The following CDH4 variants were observed in gnomAD, a reference collection of about 807,000 sequenced individuals.
The protein encoded by CDH4 is cadherin 4, also known as cadherin-4.
CDH4 carries 33 observed loss-of-function variants against 86.0 expected under a neutral mutation model. The observed-to-expected ratio is 0.38, with a 90% CI of 0.29 to 0.51. The LOEUF (loss-of-function observed/expected upper bound fraction) is 0.51. Ranked by LOEUF, CDH4 falls within the 20% of genes least tolerant of loss-of-function variation. CDH4 has a pLI of 0.86. For synonymous variants in CDH4, 555 were observed against 549.4 expected (o/e 1.01, Z -0.14); for missense variants, 1,114 against 1,307.4 (o/e 0.85, Z 2.28).
At chr20:61,303,158 A>G (rs1415542855) in intron 2 of CDH4, among the ~76,000 whole-genome samples, 2 of 152,238 alleles carry the variant, frequency 1.3e-5, no homozygotes, top group African/African-American at 4.8e-5. Flanking sequence ...CCTGAGACCC[A>G]AAGCATGTGG....
intron 6 of CDH4, among the ~76,000 whole-genome samples, chr20:61,871,002 C>T (rs1484278584): frequency 6.6e-6 from 1 of 151,630 alleles, no homozygotes; most frequent in Non-Finnish European, 1.5e-5. Flanking sequence ...GTGTATTTAT[C>T]CTTTATATAA....
intron 2 of CDH4, among the ~76,000 whole-genome samples, chr20:61,431,149 A>G (rs1372570448): frequency 6.6e-6 from 1 of 152,250 alleles, no homozygotes; most frequent in Non-Finnish European, 1.5e-5. Context: ...CAGGGGAAGC[A>G]CGTGGGTAGA....
chr20:61,264,101 G>A (rs1020619382), intron 2 of CDH4, among the ~76,000 whole-genome samples: 6 of 152,178 alleles, frequency 3.9e-5, no homozygotes, highest in African/African-American at 1.4e-4. Flanking sequence ...CCGGAATTAG[G>A]ATGGGGACAT....
chr20:61,442,469 G>A (rs1363867397), intron 2 of CDH4, among the ~76,000 whole-genome samples: 1 of 152,240 alleles, frequency 6.6e-6, no homozygotes, highest in East Asian at 1.9e-4. Flanking sequence ...GAGAACTCCA[G>A]TAAAATGATT....
At chr20:61,894,285 T>C (rs192555406) in intron 7 of CDH4, among the ~76,000 whole-genome samples, 110 of 152,316 alleles carry the variant, frequency 7.2e-4, no homozygotes, top group African/African-American at 2.5e-3. Context: ...ACTCCTTCAA[T>C]GCCTAATAAA....
chr20:61,838,822 T>TAAAAAA (rs11412264), intron 4 of CDH4, among the ~76,000 whole-genome samples: 1 of 123,476 alleles, frequency 8.1e-6, no homozygotes, highest in African/African-American at 3.4e-5. Context: ...AGACCCTGTC[T>TAAAAAA]AAAAAAAAAA....
At chr20:61,558,244 C>G (rs2145683073) in intron 2 of CDH4, among the ~76,000 whole-genome samples, 1 of 152,268 alleles carries the variant, frequency 6.6e-6, no homozygotes, top group South Asian at 2.1e-4. Context: ...ATAGAGAATA[C>G]TCAAGAATTC....
At chr20:61,915,858 C>T (rs1045615891) in intron 9 of CDH4, among the ~76,000 whole-genome samples, 4 of 152,200 alleles carry the variant, frequency 2.6e-5, no homozygotes, top group Non-Finnish European at 2.9e-5. Context: ...CTGAGAGTGA[C>T]TCTTACTGCA....
intron 9 of CDH4, among the ~76,000 whole-genome samples, chr20:61,910,873 A>G (rs1294157415): frequency 6.6e-6 from 1 of 152,130 alleles, no homozygotes; most frequent in Non-Finnish European, 1.5e-5. Flanking sequence ...CCCCTAATCT[A>G]GTAATGGGCG....
At chr20:61,897,948 C>T (rs73145157) in intron 8 of CDH4, among the ~76,000 whole-genome samples, 7,269 of 152,306 alleles carry the variant, frequency 0.048, 419 homozygotes, top group African/African-American at 0.14. Flanking sequence ...GTCAGGCCGG[C>T]GGGGTGACAT....
intron 11 of CDH4, among the ~76,000 whole-genome samples, chr20:61,925,665 C>T (rs961865482): frequency 6.6e-6 from 1 of 152,238 alleles, no homozygotes; most frequent in South Asian, 2.1e-4. Flanking sequence ...TCAGTGAATA[C>T]TGATGGAGGA....
At chr20:61,345,233 TA>T (rs2123289255) in intron 2 of CDH4, among the ~76,000 whole-genome samples, 1 of 152,332 alleles carries the variant, frequency 6.6e-6, no homozygotes, top group Admixed American at 6.5e-5. Context: ...CCTTCATCTG[TA>T]AAAGTCATAT....
At chr20:61,347,598 G>A (rs1429408507) in intron 2 of CDH4, among the ~76,000 whole-genome samples, 1 of 152,194 alleles carries the variant, frequency 6.6e-6, no homozygotes, top group Admixed American at 6.5e-5. Flanking sequence ...TTTCCCTCTA[G>A]TGTGAGCGCT....
At chr20:61,372,122 G>C (rs542890300) in intron 2 of CDH4, among the ~76,000 whole-genome samples, 1 of 152,332 alleles carries the variant, frequency 6.6e-6, no homozygotes, top group Admixed American at 6.5e-5. Context: ...GCCGTTCTCT[G>C]CCGGGTGTTT....
chr20:61,686,475 ATG>A lies in CDH4; in HGVS notation c.170-57085_170-57084del, dbSNP rs200573910. Among the ~76,000 whole-genome samples, 162 of 128,710 alleles carry A rather than the reference ATG, an allele frequency of 1.3e-3. No individual in the cohort carries two copies. In the Middle Eastern group the frequency reaches 0.018, roughly 14 times the overall value. The allele number at this position is 128,710 out of a possible 152,430, so 84.4% of individuals were successfully genotyped here. A position where few individuals can be genotyped will look rare whatever the true frequency, so the allele number is the denominator to read the frequency against. ...TTCGTGTGTGTGCATTTGCGTGTAT[ATG>A]TGCGTGTGTGTGCATTCGCGTGTGT... On this transcript the variant is annotated intron_variant, in intron 2 of 15. Coordinates refer to ENST00000614565, the MANE Select transcript of CDH4 (RefSeq NM_001794.5).
chr20:61,615,737 T>A (rs544957521), intron 2 of CDH4, among the ~76,000 whole-genome samples: 1 of 152,218 alleles, frequency 6.6e-6, no homozygotes, highest in African/African-American at 2.4e-5. Flanking sequence ...GGAGAATTAA[T>A]GATTTCTATG....
chr20:61,393,055 G>A lies in CDH4; in HGVS notation c.169+138118G>A, dbSNP rs1043150783. Among the ~76,000 whole-genome samples the A allele has an allele frequency of 1.3e-5, 2 of 152,168 alleles. No individual in the cohort carries two copies. Among genetic ancestry groups the A allele is most frequent in the Non-Finnish European group, 2.9e-5 (2 of 68,030 alleles). On this transcript the variant is annotated intron_variant, in intron 2 of 15. Transcript: ENST00000614565. This position sits in a 1 kb window ranked among gnomAD's most constrained non-coding sequence, Gnocchi z 4.3. The stretch of plus-strand genomic sequence containing the variant: ...CAGCTGCGGGGCCCCTCGGTGATCA[G>A]GGCCGTTTATTTTCCTCCTAATTTC...
intron 2 of CDH4, among the ~76,000 whole-genome samples, chr20:61,411,747 T>A (rs1278740243): frequency 6.6e-6 from 1 of 152,120 alleles, no homozygotes; most frequent in African/African-American, 2.4e-5. Flanking sequence ...TGTGGGAGGT[T>A]GGGGGTGTGT....
At chr20:61,897,459 T>C (rs995339036) in intron 8 of CDH4, among the ~76,000 whole-genome samples, 5 of 151,234 alleles carry the variant, frequency 3.3e-5, no homozygotes, top group Non-Finnish European at 5.9e-5. Context: ...GCCACCACCA[T>C]TTACCAGCAC....
Sources: allele counts gnomAD v4.1 joint callset (sites outside exome capture counted in the v4.1 genomes callset), GRCh38; gene constraint gnomAD v4.1.1; non-coding constraint Gnocchi (gnomAD v3.1); transcripts MANE v1.5; gene names NCBI Gene and HGNC (gene_info 2026-07-23, HGNC 2026-07-21).